Variants in FRMD6 observed in about 807,000 individuals in gnomAD.
FRMD6 encodes FERM domain containing 6.
FRMD6 carries 37 observed loss-of-function variants against 73.2 expected under a neutral mutation model. That is an observed-to-expected ratio of 0.51 (90% CI 0.39 to 0.66). The LOEUF is 0.66. Ranked by LOEUF, FRMD6 falls within the 30% of genes least tolerant of loss-of-function variation. The pLI is 0.00. For missense variants in FRMD6, 714 were observed against 780.5 expected (o/e 0.91, Z 1.02); for synonymous variants, 273 against 282.2 (o/e 0.97, Z 0.33).
intron 1 of FRMD6, among the ~76,000 whole-genome samples, chr14:51,513,140 A>G (rs1020760199): frequency 3.3e-5 from 5 of 152,156 alleles, no homozygotes; most frequent in African/African-American, 7.2e-5. Flanking sequence ...TCTACATCAG[A>G]ATCACAGGAG....
intron 1 of FRMD6, among the ~76,000 whole-genome samples, chr14:51,675,329 G>T (rs1894311694): frequency 6.6e-6 from 1 of 152,032 alleles, no homozygotes; most frequent in Non-Finnish European, 1.5e-5. Context: ...AAGGCACCTT[G>T]GTCTCCTTAG....
intron 2 of FRMD6, among the ~76,000 whole-genome samples, chr14:51,623,238 C>T (rs956138837): frequency 6.6e-6 from 1 of 152,142 alleles, no homozygotes; most frequent in African/African-American, 2.4e-5. Flanking sequence ...TAAAAATAAT[C>T]TTGGTGGAAT....
intron 1 of FRMD6, among the ~76,000 whole-genome samples, chr14:51,520,280 A>G (rs115414299): frequency 0.012 from 1,865 of 152,350 alleles, 42 homozygotes; most frequent in South Asian, 0.053. Flanking sequence ...ATGAAATATC[A>G]TTATACATGG....
At chr14:51,547,996 T>C (rs533989489) in intron 1 of FRMD6, 1 of 151,928 alleles carries the variant, frequency 6.6e-6, no homozygotes, top group South Asian at 2.1e-4. Context: ...TATACAGAAA[T>C]GTTAATGAGG....
chr14:51,558,307 A>C (rs899070180), intron 1 of FRMD6, among the ~76,000 whole-genome samples: 38 of 152,236 alleles, frequency 2.5e-4, no homozygotes, highest in South Asian at 1.5e-3. Flanking sequence ...GTCTCTACTA[A>C]AAATACAAAA....
At chr14:51,675,715 A>G (rs571705565) in intron 1 of FRMD6, among the ~76,000 whole-genome samples, 33 of 152,032 alleles carry the variant, frequency 2.2e-4, no homozygotes, top group Admixed American at 5.9e-4. Flanking sequence ...TGTGCTTTTG[A>G]TCTTCTTTAC....
chr14:51,669,994 C>T (rs7144199), intron 1 of FRMD6, among the ~76,000 whole-genome samples: 41,901 of 151,782 alleles, frequency 0.28, 6,513 homozygotes, highest in Non-Finnish European at 0.35. Flanking sequence ...TGTATAAGGG[C>T]TGAAGTAGAT....
At chr14:51,453,196 T>A in the FRMD6 span, among the ~76,000 whole-genome samples, 1 of 151,268 alleles carries the variant, frequency 6.6e-6, no homozygotes, top group Non-Finnish European at 1.5e-5. Context: ...AGAGAGGTGA[T>A]TAATGCATCA....
At chr14:51,662,811 A>T (rs1311549487) in intron 1 of FRMD6, among the ~76,000 whole-genome samples, 1 of 152,202 alleles carries the variant, frequency 6.6e-6, no homozygotes. Context: ...TAATTAAAGT[A>T]AACAGCAAAG....
the FRMD6 span, among the ~76,000 whole-genome samples, chr14:51,397,744 C>T: frequency 2.6e-5 from 4 of 152,252 alleles, no homozygotes; most frequent in Admixed American, 6.5e-5. Context: ...CACCTCACCT[C>T]GTGTGATGAG....
chr14:51,426,931 T>G, the FRMD6 span, among the ~76,000 whole-genome samples: 2 of 152,206 alleles, frequency 1.3e-5, no homozygotes, highest in Admixed American at 1.3e-4. Flanking sequence ...AGAATTTGCC[T>G]GAGCCCAAAA....
the FRMD6 span, among the ~76,000 whole-genome samples, chr14:51,405,279 T>G: frequency 6.6e-6 from 1 of 152,246 alleles, no homozygotes; most frequent in African/African-American, 2.4e-5. Flanking sequence ...TATATTCTTC[T>G]GGGTATATTC....
At chr14:51,591,294 C>CAA (rs140368702) in intron 2 of FRMD6, among the ~76,000 whole-genome samples, 2 of 150,862 alleles carry the variant, frequency 1.3e-5, no homozygotes, top group South Asian at 2.1e-4. Flanking sequence ...ACAAAACAAA[C>CAA]AAAAAAAAAC....
the FRMD6 span, chr14:51,436,508 G>A: frequency 2.6e-4 from 168 of 645,904 alleles, 1 homozygote; most frequent in African/African-American, 2.9e-3. Context: ...AATTTCATCT[G>A]AATGAGAGAG....
the FRMD6 span, among the ~76,000 whole-genome samples, chr14:51,480,564 T>C: frequency 6.6e-6 from 1 of 152,150 alleles, no homozygotes; most frequent in Non-Finnish European, 1.5e-5. Flanking sequence ...CCTCTATGCA[T>C]CTCTGTGGTT....
intron 2 of FRMD6, among the ~76,000 whole-genome samples, chr14:51,585,650 A>G (rs1236219937): frequency 6.6e-6 from 1 of 151,950 alleles, no homozygotes; most frequent in African/African-American, 2.4e-5. Flanking sequence ...TGCATGTTGT[A>G]AGGATTAAAG....
the FRMD6 span, among the ~76,000 whole-genome samples, chr14:51,457,018 C>A: frequency 6.6e-6 from 1 of 151,978 alleles, no homozygotes; most frequent in Admixed American, 6.6e-5. Flanking sequence ...GAAATATTGG[C>A]CCATAGGCAA....
chr14:51,682,165 T>C (rs1894845687), intron 1 of FRMD6, among the ~76,000 whole-genome samples: 1 of 152,224 alleles, frequency 6.6e-6, no homozygotes, highest in Non-Finnish European at 1.5e-5. Flanking sequence ...TATTTTGAAT[T>C]ATTTTCTACT....
chr14:51,472,340 G>C, the FRMD6 span, among the ~76,000 whole-genome samples: 1 of 152,064 alleles, frequency 6.6e-6, no homozygotes, highest in Non-Finnish European at 1.5e-5. Flanking sequence ...GTCTCTCTCT[G>C]TCGCCCAGGC....
Sources: allele counts gnomAD v4.1 joint callset (sites outside exome capture counted in the v4.1 genomes callset), GRCh38; gene constraint gnomAD v4.1.1; transcripts MANE v1.5; gene names NCBI Gene and HGNC (gene_info 2026-07-23, HGNC 2026-07-21).